CNTNAP1: variants seen among roughly 807,000 people sequenced by gnomAD.
CNTNAP1 encodes the protein contactin-associated protein 1.
Under a neutral mutation model 161.5 loss-of-function variants are expected in CNTNAP1, and 80 were observed. That is an observed-to-expected ratio of 0.50 (90% CI 0.41 to 0.60). The LOEUF is 0.60. Ranked by LOEUF, CNTNAP1 falls within the 20% of genes least tolerant of loss-of-function variation. The pLI is 0.00. For missense variants in CNTNAP1, 1,464 were observed against 1,854.8 expected (o/e 0.79, Z 3.87); for synonymous variants, 695 against 733.1 (o/e 0.95, Z 0.84).
intron 20 of CNTNAP1, 91 bp from the exon 21 acceptor site, chr17:42,697,183 C>A: frequency 1.1e-6 from 1 of 915,004 alleles, no homozygotes; most frequent in Admixed American, 1.8e-5. Context: ...AAGTATATTC[C>A]CAGGGTCCAC....
Position 42,691,010 on chromosome 17 carries a change from C to G in CNTNAP1, c.2059+68C>G, listed in dbSNP as rs2053079410. 10 of 1,602,488 alleles carry G rather than the reference C, an allele frequency of 6.2e-6. No homozygotes were observed. Among genetic ancestry groups the G allele is most frequent in the East Asian group, 2.2e-5 (1 of 44,756 alleles). On this transcript the variant is annotated intron_variant, in intron 13 of 23. Transcript: ENST00000264638. This position sits in a 1 kb window ranked among gnomAD's most constrained non-coding sequence, Gnocchi z 4.3. ...CCAATGGGGGCCTGGGAGAAGGAAGCCAGAGAGCCAGCTGGGGCCTTGGGT... is the reference window on the plus strand; with the variant it reads ...CCAATGGGGGCCTGGGAGAAGGAAGGCAGAGAGCCAGCTGGGGCCTTGGGT...
intron 10 of CNTNAP1, 60 bp from the exon 11 acceptor site, chr17:42,689,461 C>T: frequency 7.4e-7 from 1 of 1,343,066 alleles, no homozygotes; most frequent in Non-Finnish European, 1.1e-6. Context: ...TTGCAGGGAT[C>T]AGACCCCACT....
At chr17:42,698,541 G>A in intron 23 of CNTNAP1, 77 bp from the exon 24 acceptor site, 1 of 1,149,234 alleles carries the variant, frequency 8.7e-7, no homozygotes, top group Non-Finnish European at 1.2e-6. Flanking sequence ...GTGCGTGTGT[G>A]TGTGTGTGTG....
rs776379846 is a variant in CNTNAP1, at chr17:42,685,929, G to A, written c.716-28G>A. 22 of 1,609,166 alleles carry A rather than the reference G, an allele frequency of 1.4e-5. No homozygotes were observed. In the African/African-American group the frequency reaches 2.5e-4, roughly 19 times the overall value. ...CTCCATGGAGTTCTCCTGGCTTGAG[G>A]TTTCACTCTGTCCTGCCCCACCCTC... is the stretch of plus-strand genomic sequence containing the variant. On this transcript the variant is annotated intron_variant, in intron 5 of 23. Coordinates refer to ENST00000264638, the MANE Select transcript of CNTNAP1 (RefSeq NM_003632.3). This position sits in a 1 kb window ranked among gnomAD's most constrained non-coding sequence, Gnocchi z 5.0.
rs201054294 is a variant in CNTNAP1 at position 42,692,669 on chromosome 17, A to G, written c.2701A>G (p.Met901Val). 1 of 1,614,142 alleles carries G rather than the reference A, an allele frequency of 6.2e-7. No homozygotes were observed. Among genetic ancestry groups the G allele is most frequent in the African/African-American group, 1.3e-5 (1 of 75,048 alleles). ...TCACCGGCCCTGGGTTCTGCGGCCT[A>G]TGCCACTGCAGACCTACATCTGGAT... ...VDHRPWVLRP[M>V]PLQTYIWMEY... The change falls in exon 17 of 24, where the codon ATG (methionine) becomes GTG (valine). Residue 901 changes from methionine (M) to valine (V), a missense_variant. Physicochemically the swap from Met to Val is conservative, Grantham distance 21 (BLOSUM62 1). Around this residue, in one of 3 missense-constraint regions of CNTNAP1, gnomAD observed 1,383 missense variants for 1,765.0 expected, o/e 0.78. Coordinates refer to ENST00000264638, the MANE Select transcript of CNTNAP1 (RefSeq NM_003632.3).
chr17:42,698,722 GC>G lies in CNTNAP1; in HGVS notation c.3970del (p.His1324ThrfsTer155). On this transcript the variant is annotated frameshift_variant, in exon 24 of 24. Coordinates refer to ENST00000264638, the MANE Select transcript of CNTNAP1 (RefSeq NM_003632.3). LOFTEE classifies it high-confidence loss of function. ...CTACCATACCAATGAGCCCAAGGCT[GC>G]CCACGAGTACCATCCTGGCAGCAAA... ...GSYHTNEPKA[A>X]HEYHPGSKPP... is the part of the protein sequence containing the mutation. 1 of 1,613,526 alleles carries G rather than the reference GC, an allele frequency of 6.2e-7. No individual in the cohort carries two copies.
intron 18 of CNTNAP1, 57 bp from the exon 19 acceptor site, chr17:42,695,464 C>T: frequency 7.4e-7 from 1 of 1,357,922 alleles, no homozygotes; most frequent in Non-Finnish European, 1.0e-6. Flanking sequence ...GACATAAAAC[C>T]TCTGAATTGG....
chr17:42,683,889 C>A lies in CNTNAP1; in HGVS notation c.136C>A (p.Leu46Ile), dbSNP rs534684947. The change falls in exon 2 of 24, where the codon CTC (leucine) becomes ATC (isoleucine). Residue 46 changes from leucine to isoleucine, a missense_variant. Coordinates refer to ENST00000264638, the MANE Select transcript of CNTNAP1 (RefSeq NM_003632.3). The stretch of plus-strand genomic sequence containing the variant: ...CCTGGGCGCCTCCTCCTACTACAGT[C>A]TCCTTACTGCGCCGAGATTCGCCAG... ...RSLGASSYYS[L>I]LTAPRFARLH... The A allele has an allele frequency of 2.0e-5, 33 of 1,613,668 alleles. 1 individual carries two copies. The South Asian group carries it at 3.6e-4, about 18-fold the overall frequency.
In CNTNAP1 at chr17:42,682,881, G is replaced by A. The variant is rs747808560; in HGVS notation, c.52G>A (p.Glu18Lys). The change falls in exon 1 of 24, where the codon GAG becomes AAG. Residue 18 changes from glutamate (E) to lysine (K), a missense_variant. Physicochemically the swap from Glu to Lys is moderately conservative, Grantham distance 56. Transcript: ENST00000264638. ...CCTGCTCGCCGCGGTCTCAGGAGCC[G>A]AGGGCTGGGGCTACTGTGAGTGTTG... Reference protein sequence around the residue: ...CILLAAVSGAEGWGYYGCDEE... With the variant: ...CILLAAVSGAKGWGYYGCDEE... 7 of 1,601,150 alleles carry A rather than the reference G, an allele frequency of 4.4e-6. No homozygotes were observed. The highest frequency in any genetic ancestry group is 6.0e-6 in the Non-Finnish European group (7 of 1,174,936).
intron 1 of CNTNAP1, 159 bp downstream of exon 1, chr17:42,683,055 T>C (rs966515146): frequency 4.8e-5 from 35 of 733,760 alleles, no homozygotes; most frequent in Non-Finnish European, 6.7e-5. Flanking sequence ...GCGCTCCGCA[T>C]TGCAGCTCTG....
chr17:42,685,823 A>T lies in CNTNAP1; in HGVS notation c.716-134A>T. ...TGGCTTACCCTGTCACACACTCGCC[A>T]ATGGCTGTTGATCTATTCGCCCACT... On this transcript the variant is annotated intron_variant, in intron 5 of 23. Coordinates refer to ENST00000264638, the MANE Select transcript of CNTNAP1 (RefSeq NM_003632.3). The surrounding 1 kb of genome is among the most constrained non-coding windows in gnomAD (Gnocchi z 5.0). 1.1e-6 allele frequency: 1 copy of T among 898,552 alleles called. No individual in the cohort carries two copies. The highest frequency in any genetic ancestry group is 1.7e-6 in the Non-Finnish European group (1 of 595,932). 55.7% of individuals were successfully genotyped at this position (898,552 alleles called of 1,614,324 possible).
chr17:42,691,220 T>C lies in CNTNAP1; in HGVS notation c.2143T>C (p.Cys715Arg). Residue 715 changes from cysteine (C) to arginine (R), a missense_variant, in exon 14 of 24, where the codon TGT becomes CGT. Around this residue, in one of 3 missense-constraint regions of CNTNAP1, gnomAD observed 1,383 missense variants for 1,765.0 expected, o/e 0.78. Coordinates refer to ENST00000264638, the MANE Select transcript of CNTNAP1 (RefSeq NM_003632.3). The surrounding 1 kb of genome is among the most constrained non-coding windows in gnomAD (Gnocchi z 4.3). ...AGGCTCCCAGCCTGGGATCCAGCGCTGTGCCTGTGGTCTGGACCGGAGCTG... is the reference window on the plus strand; with the variant it reads ...AGGCTCCCAGCCTGGGATCCAGCGCCGTGCCTGTGGTCTGGACCGGAGCTG... ...WGGSQPGIQRCACGLDRSCVD... is the reference protein window; with the variant it reads ...WGGSQPGIQRRACGLDRSCVD... 1 of 1,614,198 alleles carries C rather than the reference T, an allele frequency of 6.2e-7. No homozygotes were observed.
At chr17:42,683,997 G>C (rs753961801) in intron 2 of CNTNAP1, 39 bp from the exon 3 acceptor site, 12 of 1,613,502 alleles carry the variant, frequency 7.4e-6, no homozygotes, top group Non-Finnish European at 1.0e-5. Flanking sequence ...GGACTTCGGG[G>C]AGAGGGATAG....
Position 42,691,291 on chromosome 17 carries a change from G to C in CNTNAP1, c.2214G>C (p.Gln738His). The change falls in exon 14 of 24, where the codon CAG (glutamine) becomes CAC (histidine). Residue 738 changes from glutamine to histidine, a missense_variant and splice_region_variant. Transcript: ENST00000264638. This position sits in a 1 kb window ranked among gnomAD's most constrained non-coding sequence, Gnocchi z 4.3. ...GCAACTGTGACGCTGACCAGCCCCA[G>C]TGGTGAGGGGGCAAAGGGACAGGGT... ...LYCNCDADQP[Q>H]WRTDKGLLTF... The C allele has an allele frequency of 6.2e-7, 1 of 1,614,170 alleles. No homozygotes were observed. Among genetic ancestry groups the C allele is most frequent in the African/African-American group, 1.3e-5 (1 of 75,060 alleles).
At chr17:42,692,155 G>A (rs1316293327) in intron 16 of CNTNAP1, among the ~76,000 whole-genome samples, 164 bp downstream of exon 16, 1 of 152,216 alleles carries the variant, frequency 6.6e-6, no homozygotes, top group African/African-American at 2.4e-5. Flanking sequence ...TTGACGGCTG[G>A]CTGGGTGACC....
In CNTNAP1 at chr17:42,686,012, C is replaced by T; in HGVS notation, c.771C>T (p.Val257=). 2 of 1,614,170 alleles carry T rather than the reference C, an allele frequency of 1.2e-6. No homozygotes were observed. The highest frequency in any genetic ancestry group is 1.7e-6 in the Non-Finnish European group (2 of 1,180,028). Residue 257 remains valine, a synonymous_variant, in exon 6 of 24, where the codon GTC becomes GTT. Transcript: ENST00000264638. ...PGHTTVSAGG[V]LNDQHWHYVR... Reference sequence around the variant, plus strand: ...ACACCACCGTGAGCGCAGGCGGAGTCCTCAATGACCAGCACTGGCACTATG... The same window carrying T: ...ACACCACCGTGAGCGCAGGCGGAGTTCTCAATGACCAGCACTGGCACTATG...
Position 42,691,477 on chromosome 17 carries a change from G to A in CNTNAP1, c.2310G>A (p.Gln770=), listed in dbSNP as rs1348530145. The stretch of plus-strand genomic sequence containing the variant: ...CGAACCGCTCCACTTCTGAGGCCCA[G>A]TTCTTCCTGAGGCCTCTGCGCTGCT... ...GDTNRSTSEA[Q]FFLRPLRCYG... is the part of the protein sequence containing the mutation. The change falls in exon 15 of 24, where the codon CAG becomes CAA. Residue 770 remains glutamine (Q), a synonymous_variant. Transcript: ENST00000264638. The surrounding 1 kb of genome is among the most constrained non-coding windows in gnomAD (Gnocchi z 4.3). The A allele has an allele frequency of 5.6e-6, 9 of 1,613,980 alleles. No individual in the cohort carries two copies. The African/African-American group carries it at 9.3e-5, about 17-fold the overall frequency.
Position 42,696,199 on chromosome 17 carries a change from C to CTCCG in CNTNAP1, c.3474+49_3474+52dup, listed in dbSNP as rs757633432. ...CCAGTTCAGATCATAACCTCATGGTCTCCGTTGTGGCATCCAGGAAAACAT... is the reference window on the plus strand; with the variant it reads ...CCAGTTCAGATCATAACCTCATGGTCTCCGTCCGTTGTGGCATCCAGGAAAACAT... On this transcript the variant is annotated intron_variant, in intron 20 of 23. Transcript: ENST00000264638. The CTCCG allele has an allele frequency of 1.9e-6, 3 of 1,608,176 alleles. No individual in the cohort carries two copies. The South Asian group carries it at 3.3e-5, about 18-fold the overall frequency.
chr17:42,699,021 A>T lies in CNTNAP1; in HGVS notation c.*111A>T. The T allele has an allele frequency of 3.2e-6, 3 of 934,736 alleles. No homozygotes were observed. Among genetic ancestry groups the T allele is most frequent in the Non-Finnish European group, 4.6e-6 (3 of 652,012 alleles). The allele number at this position is 934,736 out of a possible 1,614,324, so 57.9% of individuals were successfully genotyped here. ...CTCTTAGCTGGCTCTGCTCATCCAG[A>T]GGATATTCCCCCATCCCCCCCCCAT... is the stretch of plus-strand genomic sequence containing the variant. On this transcript the variant is annotated 3_prime_UTR_variant, in exon 24 of 24. Transcript: ENST00000264638.
Sources: allele counts gnomAD v4.1 joint callset (sites outside exome capture counted in the v4.1 genomes callset), GRCh38; gene constraint gnomAD v4.1.1; regional missense constraint gnomAD v4.1.1; non-coding constraint Gnocchi (gnomAD v3.1); transcripts MANE v1.5; gene names NCBI Gene and HGNC (gene_info 2026-07-23, HGNC 2026-07-21).